Variants in SCN1A observed in about 807,000 individuals in gnomAD.
SCN1A encodes sodium voltage-gated channel alpha subunit 1, also known as sodium channel protein type 1 subunit alpha.
Under a neutral mutation model 193.7 loss-of-function variants are expected in SCN1A, and 13 were observed. The ratio of observed to expected loss-of-function variants is 0.07; its 90% confidence interval spans 0.04 to 0.11. The LOEUF (loss-of-function observed/expected upper bound fraction) is 0.11. Among genes scored for constraint, SCN1A ranks in the 10% least tolerant of loss-of-function variants. The pLI, the probability that SCN1A is intolerant of heterozygous loss-of-function variation, is 1.00. For missense variants in SCN1A, 1,432 were observed against 2,451.1 expected, an observed-to-expected ratio of 0.58 and a Z score of 8.78; for synonymous variants, 781 against 843.6, an observed-to-expected ratio of 0.93 and a Z score of 1.29.
At chr2:166,139,941 T>C (rs1468911691) in intron 1 of SCN1A, among the ~76,000 whole-genome samples, 1 of 152,236 alleles carries the variant, frequency 6.6e-6, no homozygotes, top group Non-Finnish European at 1.5e-5. Flanking sequence ...CAAGCAGTAC[T>C]ATTTTTAGAT....
chr2:165,998,799 A>G (rs987147579), intron 25 of SCN1A, among the ~76,000 whole-genome samples: 11 of 151,484 alleles, frequency 7.3e-5, no homozygotes, highest in African/African-American at 2.7e-4. Context: ...TCTAAAAGCA[A>G]CAAAGTTAAA....
intron 24 of SCN1A, among the ~76,000 whole-genome samples, chr2:166,001,288 C>T (rs528971397): frequency 1.3e-5 from 2 of 151,726 alleles, no homozygotes; most frequent in East Asian, 3.9e-4. Context: ...ATGCCCCACC[C>T]GTTCTTACCA....
At chr2:166,029,867 T>C (rs1695318023) in intron 19 of SCN1A, among the ~76,000 whole-genome samples, 1 of 152,136 alleles carries the variant, frequency 6.6e-6, no homozygotes, top group Non-Finnish European at 1.5e-5. Flanking sequence ...TATCACACTC[T>C]GGGAGACTAA....
chr2:166,108,740 A>T (rs1267265167), intron 2 of SCN1A, among the ~76,000 whole-genome samples: 1 of 152,186 alleles, frequency 6.6e-6, no homozygotes, highest in East Asian at 1.9e-4. Context: ...CTATTCATAT[A>T]AAATGTCTAG....
At chr2:166,132,390 CT>C (rs1691698494), upstream of SCN1A, among the ~76,000 whole-genome samples, 43 of 141,860 alleles carry the variant, frequency 3.0e-4, no homozygotes, top group South Asian at 9.6e-3. Flanking sequence ...TTTTTTTTTT[CT>C]TTTGGTAAAT....
Position 165,991,151 on chromosome 2 carries a change from G to T in SCN1A, c.*94C>A. Reference sequence around the variant, plus strand: ...GATTTGTGTAAAAACAGTCAGTTTGGCATTGACCTCCTAAAGGAGTCCTGT... The same window carrying T: ...GATTTGTGTAAAAACAGTCAGTTTGTCATTGACCTCCTAAAGGAGTCCTGT... On this transcript the variant is annotated 3_prime_UTR_variant, in exon 29 of 29. Coordinates refer to ENST00000674923, the MANE Select transcript of SCN1A (RefSeq NM_001165963.4). The T allele has an allele frequency of 9.0e-7, 1 of 1,116,962 alleles. No homozygotes were observed. The highest frequency in any genetic ancestry group is 1.3e-6 in the Non-Finnish European group (1 of 771,862). The allele number at this position is 1,116,962 out of a possible 1,614,324, so 69.2% of individuals were successfully genotyped here.
Position 165,990,848 on chromosome 2 carries a change from C to A in SCN1A, c.*397G>T. On this transcript the variant is annotated 3_prime_UTR_variant, in exon 29 of 29. Coordinates refer to ENST00000674923, the MANE Select transcript of SCN1A (RefSeq NM_001165963.4). ...ATTAACAAAAAGATGAATCCACTAACAGATTCCATAAAAATGTGACAAATG... is the reference window on the plus strand; with the variant it reads ...ATTAACAAAAAGATGAATCCACTAAAAGATTCCATAAAAATGTGACAAATG... 5.0e-6 allele frequency: 1 copy of A among 198,302 alleles called. No individual in the cohort carries two copies. The allele number at this position is 198,302 out of a possible 1,614,324, so 12.3% of individuals were successfully genotyped here.
intron 9 of SCN1A, among the ~76,000 whole-genome samples, chr2:166,050,639 G>GTATATATA (rs1174601104): frequency 6.6e-4 from 27 of 40,692 alleles, no homozygotes; most frequent in African/African-American, 2.4e-3. Context: ...ATATATATAT[G>GTATATATA]TGTGTATATA....
intron 2 of SCN1A, among the ~76,000 whole-genome samples, chr2:166,082,939 G>C (rs1253069288): frequency 6.6e-6 from 1 of 151,982 alleles, no homozygotes; most frequent in East Asian, 1.9e-4. Context: ...ACTATTCTGG[G>C]GACATAAACC....
At chr2:166,040,225 T>C (rs1194793491) in intron 16 of SCN1A, among the ~76,000 whole-genome samples, 1 of 152,178 alleles carries the variant, frequency 6.6e-6, no homozygotes, top group Non-Finnish European at 1.5e-5. Context: ...GCCCAAGTCA[T>C]CTATTTTTAA....
At chr2:165,998,409 C>T (rs554318326) in intron 25 of SCN1A, among the ~76,000 whole-genome samples, 2 of 150,388 alleles carry the variant, frequency 1.3e-5, no homozygotes, top group Non-Finnish European at 3.0e-5. Flanking sequence ...ACTATAAATA[C>T]AAATAATATT....
At chr2:166,021,824 G>T (rs980030595) in intron 19 of SCN1A, among the ~76,000 whole-genome samples, 1 of 152,094 alleles carries the variant, frequency 6.6e-6, no homozygotes, top group African/African-American at 2.4e-5. Flanking sequence ...GGTGTTTCCA[G>T]CCAATGTTCT....
At chr2:166,068,930 T>C (rs1355911313) in intron 4 of SCN1A, among the ~76,000 whole-genome samples, 1 of 152,188 alleles carries the variant, frequency 6.6e-6, no homozygotes, top group Non-Finnish European at 1.5e-5. Context: ...TCTTCCATGG[T>C]AATAATGATT....
chr2:166,130,854 C>T (rs1691630566), upstream of SCN1A, among the ~76,000 whole-genome samples: 1 of 152,106 alleles, frequency 6.6e-6, no homozygotes, highest in Non-Finnish European at 1.5e-5. Flanking sequence ...AGCATAAAGG[C>T]AAAATATGAG....
intron 20 of SCN1A, among the ~76,000 whole-genome samples, chr2:166,014,977 G>A (rs968853332): frequency 6.6e-6 from 1 of 151,682 alleles, no homozygotes; most frequent in African/African-American, 2.4e-5. Flanking sequence ...AATAGAAGAA[G>A]ACTGAAGGTA....
At chr2:166,036,646 A>C in intron 18 of SCN1A, 116 bp from the exon 19 acceptor site, 1 of 1,000,036 alleles carries the variant, frequency 1.0e-6, no homozygotes, top group South Asian at 1.5e-5. Context: ...AAACTTGATG[A>C]GAAGGAAACA....
chr2:166,044,995 C>A, intron 13 of SCN1A, 48 bp downstream of exon 13: 2 of 1,595,488 alleles, frequency 1.3e-6, no homozygotes, highest in South Asian at 1.1e-5. Context: ...CCCTCTCTCC[C>A]ATGTTTTAAT....
intron 2 of SCN1A, among the ~76,000 whole-genome samples, chr2:166,121,010 G>A (rs1330890158): frequency 6.7e-6 from 1 of 150,250 alleles, no homozygotes; most frequent in African/African-American, 2.5e-5. Context: ...GGAACTGTTA[G>A]TTAAGTTTAC....
At position 166,148,261 on chromosome 2, in the gene SCN1A, C is replaced by T. The variant is rs1391321682; in HGVS notation, c.-50+786G>A. Among the ~76,000 whole-genome samples, 4 of 152,168 alleles carry T rather than the reference C, an allele frequency of 2.6e-5. No individual in the cohort carries two copies. In the South Asian group the frequency reaches 6.2e-4, roughly 24 times the overall value. Reference sequence around the variant, plus strand: ...ATTAAAATTCCTGGCCAATATATCACTCTGCTGCGGCAATCTTACCCTGCT... The same window carrying T: ...ATTAAAATTCCTGGCCAATATATCATTCTGCTGCGGCAATCTTACCCTGCT... On this transcript the variant is annotated intron_variant, in intron 1 of 26. Transcript: ENST00000635750.
Sources: gnomAD v4.1 joint callset for allele counts (sites outside exome capture counted in the v4.1 genomes callset) on GRCh38, gnomAD v4.1.1 for gene constraint, MANE v1.5 for transcripts, NCBI Gene and HGNC (gene_info 2026-07-23, HGNC 2026-07-21) for gene names.